The following MUC3A variants were observed in gnomAD, a reference collection of about 807,000 sequenced individuals.
MUC3A encodes the protein mucin 3A, cell surface associated.
In MUC3A, 109 loss-of-function variants were observed where a neutral mutation model predicts 109.0. That is an observed-to-expected ratio of 1.00 (90% CI 0.86 to 1.17). The LOEUF is 1.17. Among genes scored for constraint, MUC3A ranks in the 50% most tolerant of loss-of-function variants. The pLI is 0.00. For missense variants in MUC3A, 3,537 were observed against 2,469.4 expected (o/e 1.43, Z -9.16); for synonymous variants, 1,398 against 981.4 (o/e 1.42, Z -7.93).
Position 100,955,525 on chromosome 7 carries a change from C to T in MUC3A, c.3746C>T (p.Ser1249Leu), listed in dbSNP as rs1792075054. ...SSPSIQNTET[S>L]SLVSMTSATT... ...CCCAGCATCCAGAATACAGAAACCT[C>T]ATCCCTTGTCAGCATGACCTCTGCC... Residue 1249 changes from serine (S) to leucine (L), a missense_variant, in exon 2 of 12, where the codon TCA (serine) becomes TTA (leucine). Physicochemically the swap from Ser to Leu is moderately radical, Grantham distance 145. Coordinates refer to ENST00000379458, the MANE Select transcript of MUC3A (RefSeq NM_005960.2). The T allele has an allele frequency of 1.9e-6, 1 of 523,562 alleles. No individual in the cohort carries two copies. Among genetic ancestry groups the T allele is most frequent in the East Asian group, 3.2e-5 (1 of 31,634 alleles). 32.4% of individuals were successfully genotyped at this position (523,562 alleles called of 1,614,324 possible). A position where few individuals can be genotyped will look rare whatever the true frequency, so the allele number is the denominator to read the frequency against.
Position 100,957,656 on chromosome 7 carries a change from T to A in MUC3A, c.5877T>A (p.Thr1959=). ...CCTCACACAGCTCTCCCAGCTTCACTTCTTCGATCACCACCACCGAGACCA... is the reference window on the plus strand; with the variant it reads ...CCTCACACAGCTCTCCCAGCTTCACATCTTCGATCACCACCACCGAGACCA... The part of the protein sequence containing the change: ...KTTSHSSPSF[T]SSITTTETTS... Residue 1959 remains threonine, a synonymous_variant, in exon 2 of 12, where the codon ACT becomes ACA. Transcript: ENST00000379458. 6.4e-7 allele frequency: 1 copy of A among 1,573,480 alleles called. No homozygotes were observed. The highest frequency in any genetic ancestry group is 8.6e-7 in the Non-Finnish European group (1 of 1,158,652).
rs1179552531 is a variant in MUC3A at position 100,960,256 on chromosome 7, C to T, written c.8477C>T (p.Thr2826Ile). Residue 2826 changes from threonine (T) to isoleucine (I), a missense_variant, in exon 2 of 12, where the codon ACT becomes ATT. By Grantham distance (89) the Thr-to-Ile change is moderately conservative. Coordinates refer to ENST00000379458, the MANE Select transcript of MUC3A (RefSeq NM_005960.2). The part of the protein sequence containing the change: ...PTSISIQTTL[T>I]TYMDTSSMMP... ...TCCATCAGTATCCAAACTACTCTTA[C>T]TACATATATGGACACTTCTTCCATG... 6.3e-7 allele frequency: 1 copy of T among 1,598,542 alleles called. No individual in the cohort carries two copies. The highest frequency in any genetic ancestry group is 1.1e-5 in the South Asian group (1 of 91,090).
Position 100,954,751 on chromosome 7 carries a change from C to T in MUC3A, c.2972C>T (p.Pro991Leu). Residue 991 changes from proline to leucine, a missense_variant, in exon 2 of 12, where the codon CCT (proline) becomes CTT (leucine). Physicochemically the swap from Pro to Leu is moderately conservative, Grantham distance 98. Transcript: ENST00000379458. ...TTCCCTGAGACCACTACACTGACTC[C>T]TACAACTGACATTTCTACAGTATCT... is the stretch of plus-strand genomic sequence containing the variant. ...ATFPETTTLT[P>L]TTDISTVSLT... 1 of 402,152 alleles carries T rather than the reference C, an allele frequency of 2.5e-6. No individual in the cohort carries two copies. Among genetic ancestry groups the T allele is most frequent in the Non-Finnish European group, 4.4e-6 (1 of 228,428 alleles). The allele number at this position is 402,152 out of a possible 1,614,324, so 24.9% of individuals were successfully genotyped here. A position where few individuals can be genotyped will look rare whatever the true frequency, so the allele number is the denominator to read the frequency against.
Position 100,952,518 on chromosome 7 carries a change from A to T in MUC3A, c.739A>T (p.Thr247Ser). The change falls in exon 2 of 12, where the codon ACT (threonine) becomes TCT (serine). Residue 247 changes from threonine to serine, a missense_variant. By Grantham distance (58) the Thr-to-Ser change is moderately conservative. Transcript: ENST00000379458. Reference sequence around the variant, plus strand: ...AACCACGTCCCCAACCCCAGTATTTACTACTCTCAAAACAGCAGTGACTTC... The same window carrying T: ...AACCACGTCCCCAACCCCAGTATTTTCTACTCTCAAAACAGCAGTGACTTC... The part of the protein sequence containing the change: ...HTTTSPTPVF[T>S]TLKTAVTSTS... The T allele has an allele frequency of 6.3e-7, 1 of 1,598,480 alleles. No individual in the cohort carries two copies. Among genetic ancestry groups the T allele is most frequent in the Non-Finnish European group, 8.5e-7 (1 of 1,179,732 alleles).
Position 100,964,787 on chromosome 7 carries a change from T to C in MUC3A, c.9326T>C (p.Leu3109Pro). 6.3e-7 allele frequency: 1 copy of C among 1,598,466 alleles called. No individual in the cohort carries two copies. Among genetic ancestry groups the C allele is most frequent in the South Asian group, 1.1e-5 (1 of 91,088 alleles). ...ESEYEQVKTT[L>P]KEGLQNASQD... ...GAGTATGAGCAGGTGAAGACCACGC[T>C]GAAGGAGGGGCTGCAGAACGCCAGC... The change falls in exon 6 of 12, where the codon CTG becomes CCG. Residue 3109 changes from leucine (L) to proline (P), a missense_variant. Leu to Pro is a moderately conservative substitution (Grantham distance 98, BLOSUM62 -3). Transcript: ENST00000379458.
rs1279514923 is a variant in MUC3A, at chr7:100,962,762, TTTCTTTCTTTCC to T, written c.9053-377_9053-366del. ...TCATCTTCACACAATGCTTTCTCCC[TTTCTTTCTTTCC>T]TTCTTTCTTTCTCTTTCTTTCTTTC... is the stretch of plus-strand genomic sequence containing the variant. On this transcript the variant is annotated intron_variant, in intron 3 of 11. Coordinates refer to ENST00000379458, the MANE Select transcript of MUC3A (RefSeq NM_005960.2). 3.3e-5 allele frequency among the ~76,000 whole-genome samples: 5 copies of T among 151,794 alleles called. No individual in the cohort carries two copies. The East Asian group carries it at 9.7e-4, about 29-fold the overall frequency.
chr7:100,960,998 A>G, intron 3 of MUC3A, 61 bp downstream of exon 3: 1 of 1,596,842 alleles, frequency 6.3e-7, no homozygotes, highest in Non-Finnish European at 8.5e-7. Context: ...GACTCTCCCC[A>G]GACTTATCCC....
At chr7:100,962,454 T>C (rs1269599553) in intron 3 of MUC3A, among the ~76,000 whole-genome samples, 2 of 152,310 alleles carry the variant, frequency 1.3e-5, no homozygotes, top group African/African-American at 4.8e-5. Flanking sequence ...AGCAATCTAA[T>C]TCAATCTGCA....
At position 100,956,600 on chromosome 7, in the gene MUC3A, A is replaced by G; in HGVS notation, c.4821A>G (p.Ala1607=). ...TSVYTVSSMS[A]RPTSVIPSSP... is the part of the protein sequence containing the mutation. ...TGTACACAGTCTCCAGCATGTCTGC[A>G]AGGCCAACAAGTGTCATTCCTTCAT... Residue 1607 remains alanine (A), a synonymous_variant, in exon 2 of 12, where the codon GCA becomes GCG. Coordinates refer to ENST00000379458, the MANE Select transcript of MUC3A (RefSeq NM_005960.2). 1 of 435,834 alleles carries G rather than the reference A, an allele frequency of 2.3e-6. No homozygotes were observed. The highest frequency in any genetic ancestry group is 4.0e-6 in the Non-Finnish European group (1 of 249,944). The allele number at this position is 435,834 out of a possible 1,614,324, so 27.0% of individuals were successfully genotyped here.
At position 100,966,899 on chromosome 7, in the gene MUC3A, A is replaced by T. The variant is rs1475926191; in HGVS notation, c.9878A>T (p.Asp3293Val). 5 of 1,598,532 alleles carry T rather than the reference A, an allele frequency of 3.1e-6. No homozygotes were observed. Among genetic ancestry groups the T allele is most frequent in the East Asian group, 2.2e-5 (1 of 44,888 alleles). The change falls in exon 11 of 12, where the codon GAC (aspartate) becomes GTC (valine). Residue 3293 changes from aspartate to valine, a missense_variant and splice_region_variant. Transcript: ENST00000379458. The part of the protein sequence containing the change: ...SNWGFEDDGT[D>V]KDTNFYVALE... ...TTTCTCCGCTCCTCTCTCTCTCTAG[A>T]CAAGGATACAAATTTCTATGTGGCC...
intron 1 of MUC3A, among the ~76,000 whole-genome samples, chr7:100,950,654 C>T (rs975411744): frequency 6.6e-6 from 1 of 152,306 alleles, no homozygotes; most frequent in Non-Finnish European, 1.5e-5. Context: ...CTGTGGCTGC[C>T]TGTCTTCCTT....
intron 2 of MUC3A, 48 bp downstream of exon 2, chr7:100,960,693 T>A (rs755864606): frequency 6.3e-7 from 1 of 1,592,480 alleles, no homozygotes; most frequent in Non-Finnish European, 8.5e-7. Context: ...CCTGCAAAAT[T>A]CCTGTGTCAC....
At position 100,965,766 on chromosome 7, in the gene MUC3A, AC is replaced by A; in HGVS notation, c.9514del (p.Arg3172GlyfsTer60). ...EEFYFPLVEA[T>X]RLRCVTKCTS... ...GTTCTACTTCCCCTTGGTGGAGGCC[AC>A]CCGGCTCCGCTGTGTCACCAAATGC... On this transcript the variant is annotated frameshift_variant, in exon 8 of 12. Transcript: ENST00000379458. LOFTEE classifies it high-confidence loss of function. 1 of 1,598,456 alleles carries A rather than the reference AC, an allele frequency of 6.3e-7. No individual in the cohort carries two copies. Among genetic ancestry groups the A allele is most frequent in the Non-Finnish European group, 8.5e-7 (1 of 1,179,782 alleles).
At position 100,960,816 on chromosome 7, in the gene MUC3A, G is replaced by A; in HGVS notation, c.8931G>A (p.Gly2977=). ...GQCACLPGFS[G]DRCQLQTRCQ... is the part of the protein sequence containing the mutation. Reference sequence around the variant, plus strand: ...GTGCTTGCCTTCCGGGGTTTTCTGGGGACCGCTGTCAGCTCCAGACCAGAT... The same window carrying A: ...GTGCTTGCCTTCCGGGGTTTTCTGGAGACCGCTGTCAGCTCCAGACCAGAT... The change falls in exon 3 of 12, where the codon GGG becomes GGA. Residue 2977 remains glycine, a synonymous_variant. Coordinates refer to ENST00000379458, the MANE Select transcript of MUC3A (RefSeq NM_005960.2). 6.3e-7 allele frequency: 1 copy of A among 1,598,524 alleles called. No homozygotes were observed. The highest frequency in any genetic ancestry group is 8.5e-7 in the Non-Finnish European group (1 of 1,179,810).
rs1436387276 is a variant in MUC3A, at chr7:100,967,677, C to T, written c.*515C>T. On this transcript the variant is annotated 3_prime_UTR_variant, in exon 12 of 12. Coordinates refer to ENST00000379458, the MANE Select transcript of MUC3A (RefSeq NM_005960.2). ...GCCCCATCCCATCTCCTGCCCTCTCCTGATCTAACTCCCTGCTGCATCTCT... is the reference window on the plus strand; with the variant it reads ...GCCCCATCCCATCTCCTGCCCTCTCTTGATCTAACTCCCTGCTGCATCTCT... 3 of 224,442 alleles carry T rather than the reference C, an allele frequency of 1.3e-5. No individual in the cohort carries two copies. The highest frequency in any genetic ancestry group is 2.3e-5 in the African/African-American group (1 of 43,416). The allele number at this position is 224,442 out of a possible 1,614,324, so 13.9% of individuals were successfully genotyped here.
chr7:100,954,349 C>T lies in MUC3A; in HGVS notation c.2570C>T (p.Thr857Ile). Residue 857 changes from threonine to isoleucine, a missense_variant, in exon 2 of 12, where the codon ACA becomes ATA. By Grantham distance (89) the Thr-to-Ile change is moderately conservative. Coordinates refer to ENST00000379458, the MANE Select transcript of MUC3A (RefSeq NM_005960.2). ...GTCTCTAACATGTCTGCAAGGCCAACAACTGTCATTCCCTCATCTCCCACT... is the reference window on the plus strand; with the variant it reads ...GTCTCTAACATGTCTGCAAGGCCAATAACTGTCATTCCCTCATCTCCCACT... ...YTVSNMSARP[T>I]TVIPSSPTVQ... 1 of 403,934 alleles carries T rather than the reference C, an allele frequency of 2.5e-6. No homozygotes were observed. 25.0% of individuals were successfully genotyped at this position (403,934 alleles called of 1,614,324 possible).
In MUC3A at chr7:100,965,720, C is replaced by T. The variant is rs756804201; in HGVS notation, c.9465C>T (p.Ala3155=). Residue 3155 remains alanine (A), a synonymous_variant, in exon 8 of 12, where the codon GCC becomes GCT. Transcript: ENST00000379458. ...ELTPAAICRR[A]APTGYEEFYF... is the part of the protein sequence containing the mutation. ...AACCCCCAGCCATCTGCCGCCGCGC[C>T]GCTCCCACGGGCTATGAAGAGTTCT... 1 of 1,597,588 alleles carries T rather than the reference C, an allele frequency of 6.3e-7. No homozygotes were observed. Among genetic ancestry groups the T allele is most frequent in the South Asian group, 1.1e-5 (1 of 90,962 alleles).
chr7:100,962,059 C>T (rs1421167542), intron 3 of MUC3A, among the ~76,000 whole-genome samples: 1 of 56,038 alleles, frequency 1.8e-5, no homozygotes, highest in East Asian at 5.7e-4. Context: ...GGTGAAACCC[C>T]GTCTCTACTA....
chr7:100,965,236 C>T, intron 6 of MUC3A, 46 bp from the exon 7 acceptor site: 1 of 2,242 alleles, frequency 4.5e-4, no homozygotes, highest in Non-Finnish European at 7.5e-4. Context: ...TGACCTTAAC[C>T]CCTTGATCTG....
Sources: allele counts gnomAD v4.1 joint callset (sites outside exome capture counted in the v4.1 genomes callset), GRCh38; gene constraint gnomAD v4.1.1; transcripts MANE v1.5; gene names NCBI Gene and HGNC (gene_info 2026-07-23, HGNC 2026-07-21).